SFXN4: variants seen among roughly 807,000 people sequenced by gnomAD.
SFXN4 encodes the protein sideroflexin 4, also known as sideroflexin-4.
A neutral mutation model predicts 54.6 loss-of-function variants in SFXN4; 48 were observed. That is an observed-to-expected ratio of 0.88 (90% CI 0.70 to 1.12). The LOEUF (loss-of-function observed/expected upper bound fraction) is 1.12, where lower values mean the gene tolerates loss of function less well. Among genes scored for constraint, SFXN4 ranks in the 50% most tolerant of loss-of-function variants. The pLI, the probability that SFXN4 is intolerant of heterozygous loss-of-function variation, is 0.00. For missense variants in SFXN4, 383 were observed against 409.2 expected, an observed-to-expected ratio of 0.94 and a Z score of 0.55; for synonymous variants, 130 against 145.5, an observed-to-expected ratio of 0.89 and a Z score of 0.77.
At chr10:119,158,206 C>T (rs552733261) in intron 6 of SFXN4, 144 bp from the exon 7 acceptor site, 19 of 731,446 alleles carry the variant, frequency 2.6e-5, no homozygotes, top group African/African-American at 1.2e-4. Flanking sequence ...CAGGGGCTGC[C>T]GGTCCGTAGA....
intron 13 of SFXN4, among the ~76,000 whole-genome samples, chr10:119,142,546 C>CTTTTTTT (rs35040668): frequency 8.5e-6 from 1 of 118,296 alleles, no homozygotes; most frequent in Non-Finnish European, 1.6e-5. Flanking sequence ...TATTTTGTGT[C>CTTTTTTT]TTTTTTTTTT....
At position 119,161,044 on chromosome 10, in the gene SFXN4, C is replaced by A; in HGVS notation, c.279+11G>T. On this transcript the variant is annotated intron_variant, in intron 4 of 13. Coordinates refer to ENST00000355697, the MANE Select transcript of SFXN4 (RefSeq NM_213649.2). Reference sequence around the variant, plus strand: ...TAGGACACTAAAAATTAGGAAGGGGCTGAAACTTACAAGACTCCGCTTCCA... The same window carrying A: ...TAGGACACTAAAAATTAGGAAGGGGATGAAACTTACAAGACTCCGCTTCCA... 3 of 1,614,040 alleles carry A rather than the reference C, an allele frequency of 1.9e-6. No individual in the cohort carries two copies. The highest frequency in any genetic ancestry group is 1.7e-6 in the Non-Finnish European group (2 of 1,179,956).
chr10:119,164,224 G>A (rs765377870), intron 1 of SFXN4, 28 bp from the exon 2 acceptor site: 3 of 1,335,734 alleles, frequency 2.2e-6, no homozygotes, highest in African/African-American at 1.5e-5. Context: ...CAACAGAGAG[G>A]TTAATGGCAG....
chr10:119,159,650 G>C (rs1847435575), intron 6 of SFXN4, 78 bp downstream of exon 6: 1 of 1,463,208 alleles, frequency 6.8e-7, no homozygotes, highest in Admixed American at 1.7e-5. Context: ...GAGCTGGAGG[G>C]ACACAGCTGA....
intron 13 of SFXN4, among the ~76,000 whole-genome samples, chr10:119,142,939 A>G (rs577833150): frequency 4.0e-5 from 6 of 151,388 alleles, no homozygotes; most frequent in South Asian, 2.1e-4. Context: ...TCACTGTGTT[A>G]GCCAGGATGG....
At position 119,141,176 on chromosome 10, in the gene SFXN4, T is replaced by C. The variant is rs1033094479; in HGVS notation, c.*66A>G. The C allele has an allele frequency of 5.5e-6, 7 of 1,274,800 alleles. No homozygotes were observed. The Admixed American group carries it at 7.6e-5, about 14-fold the overall frequency. 79.0% of individuals were successfully genotyped at this position (1,274,800 alleles called of 1,614,324 possible). On this transcript the variant is annotated 3_prime_UTR_variant, in exon 14 of 14. Transcript: ENST00000355697. ...CCAGAAGACCTGTGGCAAAGTTCTC[T>C]AAACCGAACCTGGAGAGGGGAAGGT...
rs1846766225 is a variant in SFXN4, at chr10:119,145,770, CT to C, written c.936+465del. Among the ~76,000 whole-genome samples the C allele has an allele frequency of 5.9e-5, 9 of 152,222 alleles. No homozygotes were observed. The South Asian group carries it at 1.9e-3, about 32-fold the overall frequency. ...AGTTTTCAGGGAGTCAAAGGTTATA[CT>C]TGGATTTTTGACTACTAACCCCCAG... On this transcript the variant is annotated intron_variant, in intron 13 of 13. Transcript: ENST00000355697.
chr10:119,162,413 T>C lies in SFXN4; in HGVS notation c.179A>G (p.Glu60Gly). 2 of 1,613,082 alleles carry C rather than the reference T, an allele frequency of 1.2e-6. No homozygotes were observed. Among genetic ancestry groups the C allele is most frequent in the Non-Finnish European group, 8.5e-7 (1 of 1,179,028 alleles). The change falls in exon 3 of 14, where the codon GAA (glutamate) becomes GGA (glycine). Residue 60 changes from glutamate to glycine, a missense_variant and splice_region_variant. Transcript: ENST00000355697. ...LDPTNVFISV[E>G]SIENSRQLLC... ...TAGTTGCCTCGAGTTTTCTATACTT[T>C]CCTAAAATCAGATATCAAGTAATCA... is the stretch of plus-strand genomic sequence containing the variant.
chr10:119,158,098 T>G (rs751252788), intron 6 of SFXN4, 36 bp from the exon 7 acceptor site: 1 of 1,602,652 alleles, frequency 6.2e-7, no homozygotes, highest in Non-Finnish European at 8.6e-7. Context: ...TTACAAGTGT[T>G]GCTGTGGAAG....
rs754262843 is a variant in SFXN4 at position 119,147,831 on chromosome 10, T to C, written c.762A>G (p.Ile254Met). 20 of 1,614,030 alleles carry C rather than the reference T, an allele frequency of 1.2e-5. No individual in the cohort carries two copies. The East Asian group carries it at 2.7e-4, about 22-fold the overall frequency. The stretch of plus-strand genomic sequence containing the variant: ...TCAGAGCTGAGGTCCCAAACAGCAC[T>C]ATTCTGGATGCTAGCGTTTCTCTAA... ...KAVRETLASR[I>M]VLFGTSALIP... The change falls in exon 12 of 14, where the codon ATA (isoleucine) becomes ATG (methionine). Residue 254 changes from isoleucine (I) to methionine (M), a missense_variant. Coordinates refer to ENST00000355697, the MANE Select transcript of SFXN4 (RefSeq NM_213649.2).
At chr10:119,155,025 A>G in intron 11 of SFXN4, 37 bp downstream of exon 11, 2 of 1,464,114 alleles carry the variant, frequency 1.4e-6, no homozygotes, top group Non-Finnish European at 1.9e-6. Context: ...GTCGTTGCCC[A>G]AAAGGCAAGC....
intron 10 of SFXN4, among the ~76,000 whole-genome samples, chr10:119,156,247 A>T (rs1228009997): frequency 6.6e-6 from 1 of 152,152 alleles, no homozygotes. Flanking sequence ...ACATGGTGAA[A>T]GCCTGTCTCT....
chr10:119,165,495 C>T lies in SFXN4; in HGVS notation c.111+42G>A, dbSNP rs750229840. The T allele has an allele frequency of 2.1e-5, 32 of 1,523,352 alleles. No individual in the cohort carries two copies. The Admixed American group carries it at 4.0e-4, about 19-fold the overall frequency. 94.4% of individuals were successfully genotyped at this position (1,523,352 alleles called of 1,614,324 possible). ...CAGCCCGACTCCACGCGGCCCGGCC[C>T]GCCCCCTCCCTGCCCCTAGTCGCGC... On this transcript the variant is annotated intron_variant, in intron 1 of 13. Transcript: ENST00000355697.
intron 6 of SFXN4, among the ~76,000 whole-genome samples, chr10:119,159,362 C>T (rs1293043968): frequency 6.6e-6 from 1 of 152,154 alleles, no homozygotes; most frequent in East Asian, 1.9e-4. Flanking sequence ...AATGCCAGGT[C>T]CCAGGTGAGG....
In SFXN4 at chr10:119,164,192, A is replaced by G; in HGVS notation, c.116T>C (p.Phe39Ser). ...TGTCCATTGAAGAAATCGTCGAATAAAGGACTTAGGAGGGAGAAAAGCAAC... is the reference window on the plus strand; with the variant it reads ...TGTCCATTGAAGAAATCGTCGAATAGAGGACTTAGGAGGGAGAAAAGCAAC... ...VRFWITERQS[F>S]IRRFLQWTEL... Residue 39 changes from phenylalanine to serine, a missense_variant, in exon 2 of 14, where the codon TTT (phenylalanine) becomes TCT (serine). Physicochemically the swap from Phe to Ser is radical, Grantham distance 155. Coordinates refer to ENST00000355697, the MANE Select transcript of SFXN4 (RefSeq NM_213649.2). 6.3e-7 allele frequency: 1 copy of G among 1,588,142 alleles called. No individual in the cohort carries two copies. Among genetic ancestry groups the G allele is most frequent in the African/African-American group, 1.4e-5 (1 of 73,964 alleles).
intron 11 of SFXN4, among the ~76,000 whole-genome samples, chr10:119,153,402 CAAAA>C (rs34129853): frequency 1.0e-5 from 1 of 98,382 alleles, no homozygotes. Context: ...GACCCTGTCT[CAAAA>C]AAAAAAAAAA....
rs781171561 is a variant in SFXN4, at chr10:119,146,354, C to G, written c.819-1G>C. The G allele has an allele frequency of 2.9e-5, 45 of 1,572,646 alleles. No homozygotes were observed. Among genetic ancestry groups the G allele is most frequent in the Non-Finnish European group, 3.7e-5 (42 of 1,143,780 alleles). On this transcript the variant is annotated splice_acceptor_variant, in intron 12 of 13. Coordinates refer to ENST00000355697, the MANE Select transcript of SFXN4 (RefSeq NM_213649.2). LOFTEE classifies it high-confidence loss of function. ...TGGGTTTTTCCTGAAATACTGGGTCCTGTAAGAGACAAGGCATGGCTCACA... is the reference window on the plus strand; with the variant it reads ...TGGGTTTTTCCTGAAATACTGGGTCGTGTAAGAGACAAGGCATGGCTCACA...
intron 1 of SFXN4, 58 bp downstream of exon 1, chr10:119,165,479 T>A: frequency 6.7e-7 from 1 of 1,486,768 alleles, no homozygotes; most frequent in Non-Finnish European, 8.9e-7. Context: ...TCAGCCCGAC[T>A]CCACGCGGCC....
intron 12 of SFXN4, among the ~76,000 whole-genome samples, 177 bp downstream of exon 12, chr10:119,147,598 G>C (rs994255437): frequency 6.6e-6 from 1 of 152,112 alleles, no homozygotes; most frequent in African/African-American, 2.4e-5. Context: ...GGTGGAATCC[G>C]TACACCCGGA....
Sources: allele counts gnomAD v4.1 joint callset (sites outside exome capture counted in the v4.1 genomes callset), GRCh38; gene constraint gnomAD v4.1.1; transcripts MANE v1.5; gene names NCBI Gene and HGNC (gene_info 2026-07-23, HGNC 2026-07-21).